Variants in PCDHGC3 observed in about 807,000 individuals in gnomAD.
PCDHGC3 encodes the protein protocadherin gamma-C3.
Under a neutral mutation model 59.2 loss-of-function variants are expected in PCDHGC3, and 26 were observed. That is an observed-to-expected ratio of 0.44 (90% CI 0.32 to 0.61). The LOEUF is 0.61. Among genes scored for constraint, PCDHGC3 ranks in the 20% least tolerant of loss-of-function variants. The pLI is 0.05. For missense variants in PCDHGC3, 1,080 were observed against 1,221.8 expected (o/e 0.88, Z 1.73); for synonymous variants, 487 against 519.7 (o/e 0.94, Z 0.86).
In PCDHGC3 at chr5:141,511,067, C is replaced by T. The variant is rs760786015; in HGVS notation, c.2699C>T (p.Pro900Leu). The change falls in exon 4 of 4, where the codon CCA (proline) becomes CTA (leucine). Residue 900 changes from proline (P) to leucine (L), a missense_variant. Pro to Leu is a moderately conservative substitution (Grantham distance 98). Coordinates refer to ENST00000308177, the MANE Select transcript of PCDHGC3 (RefSeq NM_002588.4). ...VPDYRQNVYI[P>L]GSNATLTNAA... ...GACTACCGCCAGAATGTCTACATCC[C>T]AGGCAGCAATGCCACACTGACCAAC... 7.4e-6 allele frequency: 12 copies of T among 1,614,136 alleles called. No homozygotes were observed. Among genetic ancestry groups the T allele is most frequent in the African/African-American group, 1.3e-5 (1 of 74,942 alleles).
rs2099664737 is a variant in PCDHGC3, at chr5:141,487,754, G to GTAGAC, written c.2431-7052_2431-7048dup. 1 of 1,552,036 alleles carries GTAGAC rather than the reference G, an allele frequency of 6.4e-7. No homozygotes were observed. The highest frequency in any genetic ancestry group is 1.4e-5 in the African/African-American group (1 of 73,242). ...CATTTTTGTAAGAGGTAACTATGTG[G>GTAGAC]TAGACGCTGTGCTTTGTAACTGTTT... On this transcript the variant is annotated intron_variant, in intron 1 of 3. Transcript: ENST00000308177. This position sits in a 1 kb window ranked among gnomAD's most constrained non-coding sequence, Gnocchi z 5.0.
intron 1 of PCDHGC3, among the ~76,000 whole-genome samples, chr5:141,488,938 A>T (rs1195859645): frequency 6.6e-6 from 1 of 152,154 alleles, no homozygotes; most frequent in East Asian, 1.9e-4. Context: ...AGGAAACTCC[A>T]TAATTGGTTG....
At position 141,477,160 on chromosome 5, in the gene PCDHGC3, C is replaced by G. The variant is rs768436526; in HGVS notation, c.1044C>G (p.Asn348Lys). 2 of 1,614,186 alleles carry G rather than the reference C, an allele frequency of 1.2e-6. No homozygotes were observed. Among genetic ancestry groups the G allele is most frequent in the Admixed American group, 1.7e-5 (1 of 60,020 alleles). Residue 348 changes from asparagine to lysine, a missense_variant, in exon 1 of 4, where the codon AAC becomes AAG. By Grantham distance (94) the Asn-to-Lys change is moderately conservative (BLOSUM62 0). Transcript: ENST00000308177. The surrounding 1 kb of genome is among the most constrained non-coding windows in gnomAD (Gnocchi z 4.9). ...TGGAGGTTGTGGATGTGAATGACAA[C>G]GCCCCGGAGATCACAGTCACCTCCG... ...VLVEVVDVND[N>K]APEITVTSVY...
Position 141,476,646 on chromosome 5 carries a change from A to G in PCDHGC3, c.530A>G (p.Asn177Ser), listed in dbSNP as rs771366262. 1.9e-6 allele frequency: 3 copies of G among 1,614,132 alleles called. No homozygotes were observed. The highest frequency in any genetic ancestry group is 1.7e-5 in the Admixed American group (1 of 60,010). ...TTACAAACCTATGAGCTGAGCCGAA[A>G]TGAATACTTTGCGCTTCGCGTGCAG... ...NSLQTYELSRNEYFALRVQTR... is the reference protein window; with the variant it reads ...NSLQTYELSRSEYFALRVQTR... The change falls in exon 1 of 4, where the codon AAT becomes AGT. Residue 177 changes from asparagine to serine, a missense_variant. Transcript: ENST00000308177. This position sits in a 1 kb window ranked among gnomAD's most constrained non-coding sequence, Gnocchi z 7.6.
chr5:141,492,230 C>T (rs1286145654), intron 1 of PCDHGC3, among the ~76,000 whole-genome samples: 1 of 152,196 alleles, frequency 6.6e-6, no homozygotes. Flanking sequence ...CGTGTCCTCC[C>T]TGCTGGCCAC....
chr5:141,477,169 G>A lies in PCDHGC3; in HGVS notation c.1053G>A (p.Glu351=). 6.2e-7 allele frequency: 1 copy of A among 1,614,198 alleles called. No individual in the cohort carries two copies. The highest frequency in any genetic ancestry group is 8.5e-7 in the Non-Finnish European group (1 of 1,180,042). ...EVVDVNDNAP[E]ITVTSVYSPV... The stretch of plus-strand genomic sequence containing the variant: ...TGGATGTGAATGACAACGCCCCGGA[G>A]ATCACAGTCACCTCCGTGTACAGCC... Residue 351 remains glutamate (E), a synonymous_variant, in exon 1 of 4, where the codon GAG becomes GAA. Transcript: ENST00000308177. The surrounding 1 kb of genome is among the most constrained non-coding windows in gnomAD (Gnocchi z 4.9).
At position 141,496,266 on chromosome 5, in the gene PCDHGC3, AAGACCTTC is replaced by A. The variant is rs2099767586; in HGVS notation, c.2489+1404_2489+1411del. Among the ~76,000 whole-genome samples the A allele has an allele frequency of 2.0e-5, 3 of 152,152 alleles. No homozygotes were observed. The South Asian group carries it at 6.2e-4, about 32-fold the overall frequency. Reference sequence around the variant, plus strand: ...TGAAGGGGAGGGAAACTTCAGCAGAAAGACCTTCAGTTGGTCTGAGCAGAGTGGGATAG... The same window carrying A: ...TGAAGGGGAGGGAAACTTCAGCAGAAAGTTGGTCTGAGCAGAGTGGGATAG... On this transcript the variant is annotated intron_variant, in intron 2 of 3. Coordinates refer to ENST00000308177, the MANE Select transcript of PCDHGC3 (RefSeq NM_002588.4).
intron 3 of PCDHGC3, 126 bp downstream of exon 3, chr5:141,505,607 T>A: frequency 6.5e-7 from 1 of 1,528,684 alleles, no homozygotes. Flanking sequence ...TCGGCAGGTC[T>A]GAAAGGACCC....
rs1224625072 is a variant in PCDHGC3, at chr5:141,490,972, C to T, written c.2431-3835C>T. ...AGACTGGGAACACTCAGCCCCCCAG[C>T]GTCTCCCTCGCTCTGCTCCTCCTGG... On this transcript the variant is annotated intron_variant, in intron 1 of 3. Transcript: ENST00000308177. This position sits in a 1 kb window ranked among gnomAD's most constrained non-coding sequence, Gnocchi z 5.4. The T allele has an allele frequency of 1.2e-5, 20 of 1,613,912 alleles. No individual in the cohort carries two copies. Among genetic ancestry groups the T allele is most frequent in the East Asian group, 4.5e-5 (2 of 44,882 alleles).
intron 3 of PCDHGC3, among the ~76,000 whole-genome samples, 193 bp downstream of exon 3, chr5:141,505,674 G>C (rs1482125302): frequency 6.6e-6 from 1 of 152,192 alleles, no homozygotes; most frequent in East Asian, 1.9e-4. Context: ...GGGGTTGGGG[G>C]TCCTGGGATG....
chr5:141,492,948 CA>C (rs2099745260), intron 1 of PCDHGC3, among the ~76,000 whole-genome samples: 1 of 152,188 alleles, frequency 6.6e-6, no homozygotes, highest in Non-Finnish European at 1.5e-5. Flanking sequence ...TGGAGGTGAC[CA>C]AACTATCTGA....
chr5:141,484,988 G>A (rs1187402042), intron 1 of PCDHGC3: 2 of 604,830 alleles, frequency 3.3e-6, no homozygotes, highest in Admixed American at 3.0e-5. Context: ...CAATCGGGTG[G>A]TGAAAGGCAG....
chr5:141,485,546 G>C lies in PCDHGC3; in HGVS notation c.2430+7000G>C. The C allele has an allele frequency of 6.2e-7, 1 of 1,614,074 alleles. No individual in the cohort carries two copies. ...GTACCGAGCAGAGGTAGAGATCGTA[G>C]ATGTGAATGATCACGCCCCCCGTTT... is the stretch of plus-strand genomic sequence containing the variant. On this transcript the variant is annotated intron_variant, in intron 1 of 3. Coordinates refer to ENST00000308177, the MANE Select transcript of PCDHGC3 (RefSeq NM_002588.4). The surrounding 1 kb of genome is among the most constrained non-coding windows in gnomAD (Gnocchi z 5.7).
Position 141,485,064 on chromosome 5 carries a change from G to C in PCDHGC3, c.2430+6518G>C, listed in dbSNP as rs1205637757. On this transcript the variant is annotated intron_variant, in intron 1 of 3. Transcript: ENST00000308177. The surrounding 1 kb of genome is among the most constrained non-coding windows in gnomAD (Gnocchi z 5.7). ...TTGCGGCGCCGGCCGAACCGCGCCA[G>C]AGCTGGCGCGGGGAAAGGGAGATAG... The C allele has an allele frequency of 4.9e-5, 43 of 882,320 alleles. No individual in the cohort carries two copies. The highest frequency in any genetic ancestry group is 7.4e-5 in the Non-Finnish European group (41 of 557,230). 54.7% of individuals were successfully genotyped at this position (882,320 alleles called of 1,614,324 possible).
chr5:141,510,272 TAAAA>T (rs546154379), intron 3 of PCDHGC3, among the ~76,000 whole-genome samples: 1 of 130,390 alleles, frequency 7.7e-6, no homozygotes, highest in East Asian at 2.2e-4. Context: ...GACTCCATCT[TAAAA>T]AAAAAAAAAA....
Position 141,511,380 on chromosome 5 carries a change from C to G in PCDHGC3, c.*207C>G. The G allele has an allele frequency of 7.7e-6, 9 of 1,170,490 alleles. No individual in the cohort carries two copies. The highest frequency in any genetic ancestry group is 1.1e-5 in the Non-Finnish European group (9 of 854,564). 72.5% of individuals were successfully genotyped at this position (1,170,490 alleles called of 1,614,324 possible). A position where few individuals can be genotyped will look rare whatever the true frequency, so the allele number is the denominator to read the frequency against. On this transcript the variant is annotated 3_prime_UTR_variant, in exon 4 of 4. Transcript: ENST00000308177. ...GGGGTTGAATATGCAAAAGCAGTTC[C>G]GCTGGGAACCCCCATCCAATCAACT...
intron 3 of PCDHGC3, among the ~76,000 whole-genome samples, chr5:141,506,861 G>A (rs2099856791): frequency 6.6e-6 from 1 of 152,178 alleles, no homozygotes; most frequent in African/African-American, 2.4e-5. Context: ...TGGAGGACTG[G>A]TGGGTAGAGA....
Position 141,478,358 on chromosome 5 carries a change from C to G in PCDHGC3, c.2242C>G (p.Arg748Gly). The G allele has an allele frequency of 6.2e-7, 1 of 1,613,738 alleles. No homozygotes were observed. The highest frequency in any genetic ancestry group is 1.1e-5 in the South Asian group (1 of 91,086). Residue 748 changes from arginine (R) to glycine (G), a missense_variant, in exon 1 of 4, where the codon CGG (arginine) becomes GGG (glycine). Arg to Gly is a moderately radical substitution (Grantham distance 125, BLOSUM62 -2). Coordinates refer to ENST00000308177, the MANE Select transcript of PCDHGC3 (RefSeq NM_002588.4). ...GCCCTCCTTGCACGCGGACGCCGTG[C>G]GGGGAGGCCTGATGTCGCCGCACCT... ...PGPSLHADAV[R>G]GGLMSPHLYH...
chr5:141,485,245 G>C lies in PCDHGC3; in HGVS notation c.2430+6699G>C. 1 of 1,614,188 alleles carries C rather than the reference G, an allele frequency of 6.2e-7. No individual in the cohort carries two copies. Among genetic ancestry groups the C allele is most frequent in the Non-Finnish European group, 8.5e-7 (1 of 1,180,008 alleles). On this transcript the variant is annotated intron_variant, in intron 1 of 3. Coordinates refer to ENST00000308177, the MANE Select transcript of PCDHGC3 (RefSeq NM_002588.4). This position sits in a 1 kb window ranked among gnomAD's most constrained non-coding sequence, Gnocchi z 5.7. The stretch of plus-strand genomic sequence containing the variant: ...CCCTTTTGTTCCTCTTTTACCACCT[G>C]GGTTACGTTTGTGGGCAGATCCGCT...
Sources: allele counts gnomAD v4.1 joint callset (sites outside exome capture counted in the v4.1 genomes callset), GRCh38; gene constraint gnomAD v4.1.1; non-coding constraint Gnocchi (gnomAD v3.1); transcripts MANE v1.5; gene names NCBI Gene and HGNC (gene_info 2026-07-23, HGNC 2026-07-21).